CELF2: variants seen among roughly 807,000 people sequenced by gnomAD.
CELF2 encodes CUGBP Elav-like family member 2, also known as CUG triplet repeat RNA-binding protein 2.
CELF2 carries 8 observed loss-of-function variants against 62.6 expected under a neutral mutation model. The ratio of observed to expected loss-of-function variants is 0.13; its 90% confidence interval spans 0.07 to 0.23. The LOEUF (loss-of-function observed/expected upper bound fraction) is 0.23. CELF2 is among the 10% of genes least tolerant of loss of function. The pLI is 1.00. For missense variants in CELF2, 333 were observed against 671.0 expected, an observed-to-expected ratio of 0.50 and a Z score of 5.56; for synonymous variants, 258 against 250.0, an observed-to-expected ratio of 1.03 and a Z score of -0.30.
intron 1 of CELF2, among the ~76,000 whole-genome samples, chr10:11,079,407 G>A (rs1025533677): frequency 2.6e-5 from 4 of 152,174 alleles, no homozygotes; most frequent in African/African-American, 9.7e-5. Flanking sequence ...TTGGCTCTGT[G>A]TCCCCACCCA....
the CELF2 span, among the ~76,000 whole-genome samples, chr10:10,641,820 T>A: frequency 6.6e-6 from 1 of 152,172 alleles, no homozygotes; most frequent in South Asian, 2.1e-4. Context: ...TCACACCCCA[T>A]CATGTTTAAA....
the CELF2 span, among the ~76,000 whole-genome samples, chr10:10,567,627 C>T: frequency 6.6e-6 from 1 of 152,126 alleles, no homozygotes; most frequent in African/African-American, 2.4e-5. Flanking sequence ...ATATCTCCTA[C>T]ATTGATACCA....
At chr10:11,293,922 G>A (rs893558700) in intron 9 of CELF2, among the ~76,000 whole-genome samples, 2 of 152,140 alleles carry the variant, frequency 1.3e-5, no homozygotes, top group South Asian at 2.1e-4. Context: ...TCACAGTGAC[G>A]TTGGCAGGGT....
chr10:10,962,445 A>G (rs2135999508), intron 2 of CELF2, among the ~76,000 whole-genome samples: 1 of 152,104 alleles, frequency 6.6e-6, no homozygotes, highest in East Asian at 2.0e-4. Flanking sequence ...CTCTTCAGCT[A>G]GGCATAGTGG....
intron 1 of CELF2, among the ~76,000 whole-genome samples, chr10:11,160,503 A>G (rs372983098): frequency 7.2e-5 from 11 of 152,368 alleles, no homozygotes; most frequent in African/African-American, 2.4e-4. Context: ...CTATTTAGGT[A>G]AACTGAAGTT....
At chr10:11,205,742 C>T (rs564511889) in intron 2 of CELF2, among the ~76,000 whole-genome samples, 161 of 152,310 alleles carry the variant, frequency 1.1e-3, no homozygotes, top group Non-Finnish European at 1.6e-3. Flanking sequence ...TAAATGATTT[C>T]CGCTGTTCCA....
the CELF2 span, among the ~76,000 whole-genome samples, chr10:10,781,450 T>C: frequency 6.6e-6 from 1 of 152,102 alleles, no homozygotes; most frequent in African/African-American, 2.4e-5. Flanking sequence ...CCTCACAATC[T>C]ATGGCAGAAG....
the CELF2 span, among the ~76,000 whole-genome samples, chr10:10,590,624 T>G: frequency 2.0e-5 from 3 of 152,210 alleles, no homozygotes; most frequent in Admixed American, 6.5e-5. Flanking sequence ...TCAACTGCTC[T>G]GGACAGCCCA....
At position 11,005,701 on chromosome 10, in the gene CELF2, G is replaced by C. The variant is rs185864922; in HGVS notation, c.53+261G>C. Among the ~76,000 whole-genome samples the C allele has an allele frequency of 6.6e-6, 1 of 152,324 alleles. No homozygotes were observed. Among genetic ancestry groups the C allele is most frequent in the African/African-American group, 2.4e-5 (1 of 41,578 alleles). On this transcript the variant is annotated intron_variant, in intron 1 of 12. Transcript: ENST00000416382. The surrounding 1 kb of genome is among the most constrained non-coding windows in gnomAD (Gnocchi z 4.3). ...AAAGCATATCATGTATTTGCTCACT[G>C]CTATTTGTGAGTGGCCAGTGGATAA...
chr10:11,062,202 T>C (rs576932535), intron 1 of CELF2, among the ~76,000 whole-genome samples: 2 of 152,250 alleles, frequency 1.3e-5, no homozygotes, highest in Non-Finnish European at 2.9e-5. Context: ...CAATGTACCT[T>C]GTCATCCAAG....
chr10:10,747,858 C>CCGCT, the CELF2 span, among the ~76,000 whole-genome samples: 1 of 152,118 alleles, frequency 6.6e-6, no homozygotes, highest in South Asian at 2.1e-4. Context: ...AGGCATGTGC[C>CCGCT]ACCACGCCTG....
Position 11,062,107 on chromosome 10 carries a change from T to G in CELF2, c.74+43944T>G, listed in dbSNP as rs140727904. On this transcript the variant is annotated intron_variant, in intron 1 of 12. Coordinates refer to ENST00000633077, the MANE Select transcript of CELF2 (RefSeq NM_001326342.2). Reference sequence around the variant, plus strand: ...GATTACAGGCGTGAGCCTGGCCAGTTTACCGAATTTTTTATGCCTACGGTT... The same window carrying G: ...GATTACAGGCGTGAGCCTGGCCAGTGTACCGAATTTTTTATGCCTACGGTT... Among the ~76,000 whole-genome samples, 27 of 152,342 alleles carry G rather than the reference T, an allele frequency of 1.8e-4. 1 individual carries two copies. In the East Asian group the frequency reaches 5.2e-3, roughly 29 times the overall value.
chr10:10,989,388 C>G (rs927999947), intron 2 of CELF2, among the ~76,000 whole-genome samples: 1 of 152,068 alleles, frequency 6.6e-6, no homozygotes, highest in Non-Finnish European at 1.5e-5. Flanking sequence ...TAAGAAATGA[C>G]AGACGGATTC....
At chr10:10,762,626 G>T in the CELF2 span, among the ~76,000 whole-genome samples, 2 of 152,202 alleles carry the variant, frequency 1.3e-5, no homozygotes, top group Admixed American at 1.3e-4. Flanking sequence ...TTTGGGGGTA[G>T]TTCTCCGGTC....
rs1190403812 is a variant in CELF2, at chr10:11,008,042, T to C, written c.53+2602T>C. ...CATCCGACATACATATGTCTTTTCC[T>C]TTCACCTGATAGGGACGGTGTGAGG... On this transcript the variant is annotated intron_variant, in intron 1 of 12. Transcript: ENST00000416382. The surrounding 1 kb of genome is among the most constrained non-coding windows in gnomAD (Gnocchi z 4.5). 1.3e-5 allele frequency among the ~76,000 whole-genome samples: 2 copies of C among 152,190 alleles called. No individual in the cohort carries two copies. The highest frequency in any genetic ancestry group is 2.9e-5 in the Non-Finnish European group (2 of 68,036).
At chr10:11,131,644 T>G (rs918814535) in intron 1 of CELF2, among the ~76,000 whole-genome samples, 2 of 152,238 alleles carry the variant, frequency 1.3e-5, no homozygotes, top group African/African-American at 4.8e-5. Context: ...GAAGGTGACA[T>G]GCTCTCAGCT....
the CELF2 span, among the ~76,000 whole-genome samples, chr10:10,610,445 A>C: frequency 6.6e-6 from 1 of 152,194 alleles, no homozygotes; most frequent in Non-Finnish European, 1.5e-5. Context: ...TTGCTTTAGA[A>C]AGTTTATGTA....
chr10:10,520,220 T>C, the CELF2 span, among the ~76,000 whole-genome samples: 1 of 152,196 alleles, frequency 6.6e-6, no homozygotes, highest in Non-Finnish European at 1.5e-5. Context: ...TATAAATTTT[T>C]ATGGATGCAA....
intron 1 of CELF2, among the ~76,000 whole-genome samples, chr10:10,870,639 A>G (rs1220854075): frequency 6.6e-6 from 1 of 152,224 alleles, no homozygotes; most frequent in African/African-American, 2.4e-5. Context: ...GGGAAGCAGA[A>G]GTCTCCAATT....
Sources: allele counts gnomAD v4.1 joint callset (sites outside exome capture counted in the v4.1 genomes callset), GRCh38; gene constraint gnomAD v4.1.1; non-coding constraint Gnocchi (gnomAD v3.1); transcripts MANE v1.5; gene names NCBI Gene and HGNC (gene_info 2026-07-23, HGNC 2026-07-21).